HDAC4: variants seen among roughly 807,000 people sequenced by gnomAD.
HDAC4 encodes histone deacetylase 4.
HDAC4 carries 16 observed loss-of-function variants against 135.1 expected under a neutral mutation model. That is an observed-to-expected ratio of 0.12 (90% CI 0.08 to 0.18). The LOEUF (loss-of-function observed/expected upper bound fraction) is 0.18. Ranked by LOEUF, HDAC4 falls within the 10% of genes least tolerant of loss-of-function variation. The pLI, the probability that HDAC4 is intolerant of heterozygous loss-of-function variation, is 1.00. For synonymous variants in HDAC4, 685 were observed against 653.4 expected, an observed-to-expected ratio of 1.05 and a Z score of -0.74; for missense variants, 1,143 against 1,511.8, an observed-to-expected ratio of 0.76 and a Z score of 4.05.
chr2:239,321,712 T>TTA (rs993904560), intron 2 of HDAC4, among the ~76,000 whole-genome samples: 4 of 151,986 alleles, frequency 2.6e-5, no homozygotes, highest in African/African-American at 9.7e-5. Flanking sequence ...GTCTGACATT[T>TTA]TATAGTTACT....
At chr2:239,214,625 C>G (rs543400778) in intron 3 of HDAC4, among the ~76,000 whole-genome samples, 1 of 152,134 alleles carries the variant, frequency 6.6e-6, no homozygotes, top group Non-Finnish European at 1.5e-5. Flanking sequence ...TGGCTCGCCA[C>G]GCGTGGCAAT....
At chr2:239,312,972 C>T (rs10209850) in intron 2 of HDAC4, among the ~76,000 whole-genome samples, 26,847 of 152,230 alleles carry the variant, frequency 0.18, 3,441 homozygotes, top group East Asian at 0.49. Flanking sequence ...AGGCCCCACG[C>T]TCCTCTCACT....
chr2:239,118,729 C>G (rs2039366979), intron 12 of HDAC4, among the ~76,000 whole-genome samples: 1 of 152,146 alleles, frequency 6.6e-6, no homozygotes, highest in Non-Finnish European at 1.5e-5. Context: ...GCGACTGTTT[C>G]CGGTTAGACT....
At position 239,303,717 on chromosome 2, in the gene HDAC4, A is replaced by G. The variant is rs1391854454; in HGVS notation, c.22+48961T>C. Among the ~76,000 whole-genome samples the G allele has an allele frequency of 6.6e-6, 1 of 152,040 alleles. No individual in the cohort carries two copies. The highest frequency in any genetic ancestry group is 1.9e-4 in the East Asian group (1 of 5,192). On this transcript the variant is annotated intron_variant, in intron 2 of 26. Transcript: ENST00000543185. The surrounding 1 kb of genome is among the most constrained non-coding windows in gnomAD (Gnocchi z 5.1). Reference sequence around the variant, plus strand: ...TGTAAAACTTGCTCACTTGTAAACAACGTCGGGCAGCAACTGCAGGCCTCA... The same window carrying G: ...TGTAAAACTTGCTCACTTGTAAACAGCGTCGGGCAGCAACTGCAGGCCTCA...
In HDAC4 at chr2:239,262,850, T is replaced by C. The variant is rs530512957; in HGVS notation, c.23-26186A>G. ...ACCCAGCAGCTCTTGGAAAAGCTGG[T>C]GCCCTGGTGAGCAGGAGAGCGTGAG... On this transcript the variant is annotated intron_variant, in intron 2 of 26. Transcript: ENST00000543185. This position sits in a 1 kb window ranked among gnomAD's most constrained non-coding sequence, Gnocchi z 4.1. Among the ~76,000 whole-genome samples the C allele has an allele frequency of 3.7e-4, 56 of 152,176 alleles. 1 individual carries two copies. The highest frequency in any genetic ancestry group is 1.3e-3 in the African/African-American group (53 of 41,536).
intron 12 of HDAC4, among the ~76,000 whole-genome samples, chr2:239,120,971 C>G (rs538891097): frequency 6.6e-6 from 1 of 150,944 alleles, no homozygotes; most frequent in East Asian, 2.0e-4. Flanking sequence ...AGCTCCAAGA[C>G]TTTTCTTCTG....
chr2:239,215,567 T>G (rs1489841275), intron 3 of HDAC4, among the ~76,000 whole-genome samples: 2 of 152,214 alleles, frequency 1.3e-5, no homozygotes, highest in Admixed American at 1.3e-4. Flanking sequence ...GATCGAGTTC[T>G]GCCCACCTGG....
intron 1 of HDAC4, among the ~76,000 whole-genome samples, chr2:239,381,309 A>G (rs1695400937): frequency 6.6e-6 from 1 of 152,246 alleles, no homozygotes; most frequent in Non-Finnish European, 1.5e-5. Flanking sequence ...TCACTACAAC[A>G]CAAACATGCC....
In HDAC4 at chr2:239,134,780, C is replaced by T. The variant is rs867579533; in HGVS notation, c.979-137G>A. ...GTAAACGTACATGTAACAAATGAGA[C>T]AGCAATGAGAGCATGAGATTTCAAC... On this transcript the variant is annotated intron_variant, in intron 9 of 26. Coordinates refer to ENST00000543185, the MANE Select transcript of HDAC4 (RefSeq NM_001378414.1). The T allele has an allele frequency of 1.8e-5, 13 of 731,102 alleles. 2 individuals are homozygous for T. In the Middle Eastern group the frequency reaches 3.0e-3, roughly 171 times the overall value. The allele number at this position is 731,102 out of a possible 1,614,324, so 45.3% of individuals were successfully genotyped here.
chr2:239,353,465 C>T (rs180818181), intron 1 of HDAC4, among the ~76,000 whole-genome samples: 1 of 152,194 alleles, frequency 6.6e-6, no homozygotes, highest in African/African-American at 2.4e-5. Flanking sequence ...CTCAGTACCA[C>T]TGGGATTTTG....
intron 3 of HDAC4, among the ~76,000 whole-genome samples, chr2:239,209,129 C>T (rs181418250): frequency 1.4e-3 from 218 of 152,334 alleles, no homozygotes; most frequent in African/African-American, 5.1e-3. Context: ...AATTCATTTG[C>T]CCCAGCCTCC....
chr2:239,259,605 G>C (rs866688446), intron 2 of HDAC4, among the ~76,000 whole-genome samples: 2 of 152,292 alleles, frequency 1.3e-5, no homozygotes, highest in Middle Eastern at 3.4e-3. Flanking sequence ...TCATATTCGG[G>C]TTCCACTTCA....
chr2:239,377,050 C>T (rs1695060365), intron 1 of HDAC4, among the ~76,000 whole-genome samples: 2 of 152,186 alleles, frequency 1.3e-5, no homozygotes, highest in African/African-American at 4.8e-5. Flanking sequence ...CAACACCTTA[C>T]CCGTGAGCGT....
chr2:239,247,516 C>T (rs1330698234), intron 2 of HDAC4, among the ~76,000 whole-genome samples: 2 of 152,204 alleles, frequency 1.3e-5, no homozygotes, highest in South Asian at 2.1e-4. Context: ...GTGCCGCAGC[C>T]GGGGCCCGTG....
At chr2:239,327,864 C>G (rs532649161) in intron 2 of HDAC4, among the ~76,000 whole-genome samples, 1 of 152,376 alleles carries the variant, frequency 6.6e-6, no homozygotes, top group East Asian at 1.9e-4. Flanking sequence ...AAGCTAACAT[C>G]CAGCAGAGGC....
chr2:239,279,705 G>A (rs1479689664), intron 2 of HDAC4, among the ~76,000 whole-genome samples: 2 of 152,194 alleles, frequency 1.3e-5, no homozygotes, highest in African/African-American at 2.4e-5. Context: ...AGGGGACCTG[G>A]GGACAAGAAC....
At chr2:239,263,017 G>A (rs151174311) in intron 2 of HDAC4, among the ~76,000 whole-genome samples, 1 of 152,122 alleles carries the variant, frequency 6.6e-6, no homozygotes. Flanking sequence ...ATGAAGACAC[G>A]AGAGAATGAA....
At chr2:239,054,064 G>A (rs1559341350) in intron 25 of HDAC4, among the ~76,000 whole-genome samples, 1 of 152,024 alleles carries the variant, frequency 6.6e-6, no homozygotes, top group African/African-American at 2.4e-5. Flanking sequence ...CAGGCGCAAG[G>A]GGGTGTATGT....
intron 8 of HDAC4, chr2:239,140,855 G>GGTGCCCACTCATGCTGACTCAC: frequency 2.4e-6 from 1 of 416,144 alleles, no homozygotes. Flanking sequence ...CGAGGACGCA[G>GGTGCCCACTCATGCTGACTCAC]GTGCCCACTC....
Sources: allele counts gnomAD v4.1 joint callset (sites outside exome capture counted in the v4.1 genomes callset), GRCh38; gene constraint gnomAD v4.1.1; non-coding constraint Gnocchi (gnomAD v3.1); transcripts MANE v1.5; gene names NCBI Gene and HGNC (gene_info 2026-07-23, HGNC 2026-07-21).